Variants in SETD1B observed in about 807,000 individuals in gnomAD.
The protein encoded by SETD1B is histone-lysine N-methyltransferase SETD1B.
A neutral mutation model predicts 148.0 loss-of-function variants in SETD1B; 7 were observed. The ratio of observed to expected loss-of-function variants is 0.05; its 90% confidence interval spans 0.03 to 0.09. The LOEUF is 0.09. Among genes scored for constraint, SETD1B ranks in the 10% least tolerant of loss-of-function variants. SETD1B has a pLI of 1.00. For synonymous variants in SETD1B, 1,361 were observed against 1,186.5 expected (o/e 1.15, Z -3.02); for missense variants, 2,155 against 2,729.9 (o/e 0.79, Z 4.69).
rs754343644 is a variant in SETD1B at position 121,810,144 on chromosome 12, A to T, written c.1199A>T (p.Tyr400Phe). ...GGATTCAAGTCTGCTTTCTCTCCGTATCAGACCCCAGTGGCCCACTTCCCT... is the reference window on the plus strand; with the variant it reads ...GGATTCAAGTCTGCTTTCTCTCCGTTTCAGACCCCAGTGGCCCACTTCCCT... ...APGFKSAFSP[Y>F]QTPVAHFPPP... The change falls in exon 6 of 17, where the codon TAT becomes TTT. Residue 400 changes from tyrosine (Y) to phenylalanine (F), a missense_variant. Coordinates refer to ENST00000604567, the MANE Select transcript of SETD1B (RefSeq NM_001353345.2). This position sits in a 1 kb window ranked among gnomAD's most constrained non-coding sequence, Gnocchi z 7.6. 22 of 1,549,930 alleles carry T rather than the reference A, an allele frequency of 1.4e-5. No individual in the cohort carries two copies. Among genetic ancestry groups the T allele is most frequent in the Non-Finnish European group, 1.8e-5 (21 of 1,146,868 alleles).
Position 121,805,732 on chromosome 12 carries a change from G to C in SETD1B, c.274-103G>C, listed in dbSNP as rs896685862. ...ATTTTTAGTTTTTTTACCCTTTATT[G>C]TTTTCAACGGGTGGGCGAGTTGCGG... On this transcript the variant is annotated intron_variant, in intron 3 of 16. Transcript: ENST00000604567. The surrounding 1 kb of genome is among the most constrained non-coding windows in gnomAD (Gnocchi z 4.2). 11 of 937,710 alleles carry C rather than the reference G, an allele frequency of 1.2e-5. No homozygotes were observed. In the African/African-American group the frequency reaches 1.8e-4, roughly 15 times the overall value. 58.1% of individuals were successfully genotyped at this position (937,710 alleles called of 1,614,324 possible).
At position 121,817,514 on chromosome 12, in the gene SETD1B, TGTCGGC is replaced by T; in HGVS notation, c.3126_3131del (p.Ala1043_Ser1044del). 1.3e-6 allele frequency: 2 copies of T among 1,551,398 alleles called. No individual in the cohort carries two copies. The highest frequency in any genetic ancestry group is 1.7e-6 in the Non-Finnish European group (2 of 1,146,906). ...GGGGAGGAGGACGAGAAGGAGTCAT[TGTCGGC>T]GTCCTCGTCCTCATCCGCGTCATCA... is the stretch of plus-strand genomic sequence containing the variant. On this transcript the variant is annotated inframe_deletion, in exon 9 of 17. Coordinates refer to ENST00000604567, the MANE Select transcript of SETD1B (RefSeq NM_001353345.2). The surrounding 1 kb of genome is among the most constrained non-coding windows in gnomAD (Gnocchi z 8.1).
At chr12:121,824,045 G>A (rs1055797267) in intron 12 of SETD1B, among the ~76,000 whole-genome samples, 2 of 152,220 alleles carry the variant, frequency 1.3e-5, no homozygotes, top group East Asian at 1.9e-4. Flanking sequence ...ACACACGGGC[G>A]CAGGGCCTCC....
chr12:121,830,714 G>A lies in SETD1B; in HGVS notation c.*475G>A, dbSNP rs1387149684. 6.5e-6 allele frequency: 1 copy of A among 154,596 alleles called. No individual in the cohort carries two copies. The highest frequency in any genetic ancestry group is 1.4e-5 in the Non-Finnish European group (1 of 69,700). The allele number at this position is 154,596 out of a possible 1,614,324, so 9.6% of individuals were successfully genotyped here. A position where few individuals can be genotyped will look rare whatever the true frequency, so the allele number is the denominator to read the frequency against. ...CGCGGGGGTCTGCAGAGGCCTCAGT[G>A]TGGCTGTGCGTGGCCCGTGTCCTGG... On this transcript the variant is annotated 3_prime_UTR_variant, in exon 17 of 17. Transcript: ENST00000604567. The surrounding 1 kb of genome is among the most constrained non-coding windows in gnomAD (Gnocchi z 5.7).
intron 7 of SETD1B, 46 bp from the exon 8 acceptor site, chr12:121,816,987 T>G (rs775633351): frequency 2.5e-5 from 36 of 1,456,122 alleles, no homozygotes; most frequent in African/African-American, 5.7e-5. Context: ...CTGCAAGGGT[T>G]GGTGGTGCCA....
chr12:121,801,566 A>T (rs1875365269), upstream of SETD1B: 2 of 152,588 alleles, frequency 1.3e-5, no homozygotes, highest in South Asian at 2.1e-4. Context: ...TATCTTTCTT[A>T]CTTACCCGCT....
chr12:121,815,539 T>A (rs1173469306), intron 7 of SETD1B, among the ~76,000 whole-genome samples: 1 of 152,194 alleles, frequency 6.6e-6, no homozygotes. Context: ...AGACAGGGTC[T>A]CGCTGTATCG....
In SETD1B at chr12:121,827,827, C is replaced by T. The variant is rs996634448; in HGVS notation, c.5562C>T (p.Ile1854=). ...CCATCGCGGCTGACGAGATGGTCAT[C>T]GAGTACGTGGGCCAGAATATCCGTC... is the stretch of plus-strand genomic sequence containing the variant. ...MEPIAADEMV[I]EYVGQNIRQV... Residue 1854 remains isoleucine (I), a synonymous_variant, in exon 15 of 17, where the codon ATC becomes ATT. Coordinates refer to ENST00000604567, the MANE Select transcript of SETD1B (RefSeq NM_001353345.2). 21 of 1,560,364 alleles carry T rather than the reference C, an allele frequency of 1.3e-5. No homozygotes were observed. Among genetic ancestry groups the T allele is most frequent in the East Asian group, 9.6e-5 (4 of 41,702 alleles).
intron 16 of SETD1B, 93 bp downstream of exon 16, chr12:121,828,163 C>G: frequency 6.8e-7 from 1 of 1,481,126 alleles, no homozygotes; most frequent in Admixed American, 2.1e-5. Context: ...GCACGGGAAT[C>G]AGCTCGGCCT....
At chr12:121,790,187 G>A in the SETD1B span, among the ~76,000 whole-genome samples, 1 of 152,238 alleles carries the variant, frequency 6.6e-6, no homozygotes, top group Non-Finnish European at 1.5e-5. Flanking sequence ...CCTGTGGGCA[G>A]CGTCCGGCCC....
the SETD1B span, chr12:121,795,334 G>A: frequency 2.0e-5 from 3 of 152,396 alleles, no homozygotes; most frequent in African/African-American, 7.2e-5. Flanking sequence ...CACAGTCTTA[G>A]GGGAAGCAGT....
Position 121,805,265 on chromosome 12 carries a change from T to C in SETD1B, c.273+49T>C. The C allele has an allele frequency of 2.2e-6, 3 of 1,344,752 alleles. No individual in the cohort carries two copies. Among genetic ancestry groups the C allele is most frequent in the Non-Finnish European group, 3.0e-6 (3 of 994,078 alleles). 83.3% of individuals were successfully genotyped at this position (1,344,752 alleles called of 1,614,324 possible). ...GCCGTCCCTCCCCCACCTCCCCGAG[T>C]TCGAAAATAACGCCAGTCCTGACCG... is the stretch of plus-strand genomic sequence containing the variant. On this transcript the variant is annotated intron_variant, in intron 3 of 16. Coordinates refer to ENST00000604567, the MANE Select transcript of SETD1B (RefSeq NM_001353345.2). This position sits in a 1 kb window ranked among gnomAD's most constrained non-coding sequence, Gnocchi z 4.2.
Position 121,806,008 on chromosome 12 carries a change from G to A in SETD1B, c.447G>A (p.Val149=). ...AGAAGCACCTGGGCATCGCCAAGGT[G>A]GTCTTTGCCACGGTCCGGGGAGCCA... is the stretch of plus-strand genomic sequence containing the variant. ...KTKKHLGIAK[V]VFATVRGAKD... Residue 149 remains valine (V), a synonymous_variant, in exon 4 of 17, where the codon GTG becomes GTA. Transcript: ENST00000604567. 2 of 1,551,680 alleles carry A rather than the reference G, an allele frequency of 1.3e-6. No individual in the cohort carries two copies. Among genetic ancestry groups the A allele is most frequent in the Non-Finnish European group, 8.7e-7 (1 of 1,146,978 alleles).
the SETD1B span, chr12:121,797,261 G>A: frequency 2.8e-5 from 10 of 362,256 alleles, no homozygotes; most frequent in Non-Finnish European, 3.8e-5. Context: ...CGGGGATGCC[G>A]GCGACTCAGT....
At position 121,814,487 on chromosome 12, in the gene SETD1B, G is replaced by T. The variant is rs966870617; in HGVS notation, c.2272G>T (p.Val758Leu). The change falls in exon 7 of 17, where the codon GTG becomes TTG. Residue 758 changes from valine (V) to leucine (L), a missense_variant. Val to Leu is a conservative substitution (Grantham distance 32). Transcript: ENST00000604567. The stretch of plus-strand genomic sequence containing the variant: ...GCCGGGCCTGTTCCCTGTGATGCAG[G>T]TGGACATGAGCCACGTGCTGGGTGG... ...FPPGLFPVMQ[V>L]DMSHVLGGQW... 1 of 1,457,634 alleles carries T rather than the reference G, an allele frequency of 6.9e-7. No homozygotes were observed. Among genetic ancestry groups the T allele is most frequent in the Middle Eastern group, 1.8e-4 (1 of 5,424 alleles). 90.3% of individuals were successfully genotyped at this position (1,457,634 alleles called of 1,614,324 possible).
intron 4 of SETD1B, 66 bp downstream of exon 4, chr12:121,806,171 C>G (rs1221877332): frequency 4.7e-6 from 7 of 1,502,030 alleles, no homozygotes; most frequent in Non-Finnish European, 6.3e-6. Context: ...CCCACCCTTC[C>G]TGCAGCGTGG....
At position 121,804,757 on chromosome 12, in the gene SETD1B, C is replaced by T. The variant is rs1052521826; in HGVS notation, c.20C>T (p.Pro7Leu). Reference sequence around the variant, plus strand: ...AACGGCATGGAGAACAGTCACCCCCCCCACCACCACCACCAGCAGCCCCCG... The same window carrying T: ...AACGGCATGGAGAACAGTCACCCCCTCCACCACCACCACCAGCAGCCCCCG... MENSHPPHHHHQQPPPQ... is the reference protein window; with the variant it reads MENSHPLHHHHQQPPPQ... The change falls in exon 2 of 17, where the codon CCC becomes CTC. Residue 7 changes from proline (P) to leucine (L), a missense_variant. Around this residue, in one of 11 missense-constraint regions of SETD1B, gnomAD observed 36 missense variants for 23.5 expected, o/e 1.53. Coordinates refer to ENST00000604567, the MANE Select transcript of SETD1B (RefSeq NM_001353345.2). This position sits in a 1 kb window ranked among gnomAD's most constrained non-coding sequence, Gnocchi z 4.6. 1.3e-6 allele frequency: 2 copies of T among 1,549,756 alleles called. No individual in the cohort carries two copies. The highest frequency in any genetic ancestry group is 1.4e-5 in the African/African-American group (1 of 72,968).
rs564509838 is a variant in SETD1B at position 121,823,141 on chromosome 12, G to A, written c.4562G>A (p.Arg1521Gln). Residue 1521 changes from arginine (R) to glutamine (Q), a missense_variant, in exon 12 of 17, where the codon CGG becomes CAG. Transcript: ENST00000604567. ...CPPPMKRKPGRPRRSPPSMLS... is the reference protein window; with the variant it reads ...CPPPMKRKPGQPRRSPPSMLS... ...CCCCCAATGAAGAGGAAGCCGGGCC[G>A]GCCCCGGCGATCCCCACCATCTATG... 3 of 1,513,268 alleles carry A rather than the reference G, an allele frequency of 2.0e-6. No homozygotes were observed. The highest frequency in any genetic ancestry group is 2.6e-6 in the Non-Finnish European group (3 of 1,135,704). 93.7% of individuals were successfully genotyped at this position (1,513,268 alleles called of 1,614,324 possible).
In SETD1B at chr12:121,814,219, C is replaced by G. The variant is rs941949347; in HGVS notation, c.2004C>G (p.Ala668=). The change falls in exon 7 of 17, where the codon GCC becomes GCG. Residue 668 remains alanine (A), a synonymous_variant. Transcript: ENST00000604567. Reference sequence around the variant, plus strand: ...TGGTGGTGACCCCAGGAGCGGCAGCCGTGGCAGCCCCTTCTGTGCTAGCCC... The same window carrying G: ...TGGTGGTGACCCCAGGAGCGGCAGCGGTGGCAGCCCCTTCTGTGCTAGCCC... ...KPMVVTPGAA[A]VAAPSVLAPT... 2 of 1,537,176 alleles carry G rather than the reference C, an allele frequency of 1.3e-6. No individual in the cohort carries two copies. Among genetic ancestry groups the G allele is most frequent in the Admixed American group, 2.0e-5 (1 of 50,546 alleles).
Sources: allele counts gnomAD v4.1 joint callset (sites outside exome capture counted in the v4.1 genomes callset), GRCh38; gene constraint gnomAD v4.1.1; regional missense constraint gnomAD v4.1.1; non-coding constraint Gnocchi (gnomAD v3.1); transcripts MANE v1.5; gene names NCBI Gene and HGNC (gene_info 2026-07-23, HGNC 2026-07-21).